The following YEATS4 variants were observed in gnomAD, a reference collection of about 807,000 sequenced individuals.
YEATS4 encodes YEATS domain-containing protein 4.
Under a neutral mutation model 30.1 loss-of-function variants are expected in YEATS4, and 17 were observed. The ratio of observed to expected loss-of-function variants is 0.56; its 90% confidence interval spans 0.39 to 0.85. YEATS4 has a LOEUF of 0.85. YEATS4 is among the 40% of genes least tolerant of loss of function. YEATS4 has a pLI of 0.00. For missense variants in YEATS4, 142 were observed against 268.3 expected, an observed-to-expected ratio of 0.53 and a Z score of 3.29; for synonymous variants, 85 against 87.5, an observed-to-expected ratio of 0.97 and a Z score of 0.16.
chr12:69,362,005 G>A, intron 1 of YEATS4, among the ~76,000 whole-genome samples: 1 of 87,016 alleles, frequency 1.1e-5, no homozygotes, highest in South Asian at 3.5e-4. Flanking sequence ...ATTGTAGGGT[G>A]TTTGGTTGTT....
At chr12:69,420,540 G>C in the YEATS4 span, among the ~76,000 whole-genome samples, 4 of 152,068 alleles carry the variant, frequency 2.6e-5, no homozygotes, top group East Asian at 7.7e-4. Flanking sequence ...GGAGAGACAG[G>C]GACAGAGAGA....
intron 2 of YEATS4, chr12:69,364,281 A>T (rs1875344131): frequency 2.9e-6 from 1 of 350,510 alleles, no homozygotes; most frequent in Admixed American, 3.7e-5. Context: ...GTAAGACTCC[A>T]TCTCTACAGA....
intron 6 of YEATS4, among the ~76,000 whole-genome samples, chr12:69,374,400 CT>C (rs368726221): frequency 1.4e-3 from 210 of 149,616 alleles, no homozygotes; most frequent in African/African-American, 4.8e-3. Flanking sequence ...AGATTACTTT[CT>C]TTTTTTTTAT....
chr12:69,423,889 A>G, the YEATS4 span, among the ~76,000 whole-genome samples: 1 of 152,196 alleles, frequency 6.6e-6, no homozygotes. Context: ...AGTTCTGGTC[A>G]ATGGGGTATA....
chr12:69,367,033 C>G (rs1875462204), intron 4 of YEATS4, among the ~76,000 whole-genome samples: 1 of 152,176 alleles, frequency 6.6e-6, no homozygotes, highest in Non-Finnish European at 1.5e-5. Flanking sequence ...TAGACTTACT[C>G]TTTTCTTCCT....
intron 6 of YEATS4, among the ~76,000 whole-genome samples, chr12:69,382,585 C>T (rs1876123363): frequency 6.6e-6 from 1 of 152,198 alleles, no homozygotes; most frequent in Non-Finnish European, 1.5e-5. Context: ...GGGACTTTCC[C>T]TTCAGGGCAG....
chr12:69,413,847 G>A, the YEATS4 span, among the ~76,000 whole-genome samples: 2 of 115,904 alleles, frequency 1.7e-5, no homozygotes, highest in East Asian at 6.6e-4. Flanking sequence ...GCAAGACTTC[G>A]TCAAAAAAAA....
chr12:69,363,644 A>G (rs1306091271), intron 2 of YEATS4, among the ~76,000 whole-genome samples: 2 of 152,332 alleles, frequency 1.3e-5, no homozygotes, highest in African/African-American at 2.4e-5. Context: ...TGAATCTTCA[A>G]TGCCTGGAAC....
chr12:69,359,872 G>A lies in YEATS4; in HGVS notation c.-101G>A. The A allele has an allele frequency of 6.8e-7, 1 of 1,474,826 alleles. No homozygotes were observed. The highest frequency in any genetic ancestry group is 9.3e-7 in the Non-Finnish European group (1 of 1,075,714). 91.4% of individuals were successfully genotyped at this position (1,474,826 alleles called of 1,614,324 possible). A position where few individuals can be genotyped will look rare whatever the true frequency, so the allele number is the denominator to read the frequency against. On this transcript the variant is annotated 5_prime_UTR_variant, in exon 1 of 7. Coordinates refer to ENST00000247843, the MANE Select transcript of YEATS4 (RefSeq NM_006530.4). The stretch of plus-strand genomic sequence containing the variant: ...GCCCTCCTTCGGCTAGAAACCCTCC[G>A]CCTGGGCCCGCGCGACAGGAGCGCG...
intron 4 of YEATS4, among the ~76,000 whole-genome samples, chr12:69,366,456 A>G (rs747889284): frequency 2.6e-5 from 4 of 152,172 alleles, no homozygotes; most frequent in Non-Finnish European, 5.9e-5. Flanking sequence ...CTCATTTTAG[A>G]GATCAGGATA....
At chr12:69,424,004 T>C in the YEATS4 span, among the ~76,000 whole-genome samples, 6 of 152,310 alleles carry the variant, frequency 3.9e-5, no homozygotes, top group South Asian at 1.2e-3. Context: ...TTTCTAGATA[T>C]TACTCTATGA....
At chr12:69,408,279 G>A in the YEATS4 span, among the ~76,000 whole-genome samples, 1 of 152,050 alleles carries the variant, frequency 6.6e-6, no homozygotes, top group Admixed American at 6.6e-5. Context: ...TCTAGTGCTA[G>A]TAACATCTTA....
chr12:69,424,100 A>G, the YEATS4 span, among the ~76,000 whole-genome samples: 4 of 152,332 alleles, frequency 2.6e-5, no homozygotes, highest in South Asian at 6.2e-4. Context: ...TGAAGAAAGC[A>G]GGACAGAATA....
chr12:69,403,015 G>T, the YEATS4 span, among the ~76,000 whole-genome samples: 1 of 151,842 alleles, frequency 6.6e-6, no homozygotes, highest in Non-Finnish European at 1.5e-5. Flanking sequence ...GAGCCACCAC[G>T]CCCGGCTTGC....
chr12:69,362,981 A>AATTTTTTTTTTTTTTTTTTTTTTTTTTTT lies in YEATS4; in HGVS notation c.171+74_171+75insATTTTTTTTTTTTTTTTTTTTTTTTTTTT, dbSNP rs1198849494. The AATTTTTTTTTTTTTTTTTTTTTTTTTTTT allele has an allele frequency of 3.3e-5, 10 of 307,590 alleles. 5 individuals carry two copies. The highest frequency in any genetic ancestry group is 1.7e-5 in the Non-Finnish European group (4 of 232,504). The allele number at this position is 307,590 out of a possible 1,614,324, so 19.1% of individuals were successfully genotyped here. The stretch of plus-strand genomic sequence containing the variant: ...TTTGTTTTGCTTAAAGACAACCTGT[A>AATTTTTTTTTTTTTTTTTTTTTTTTTTTT]GTTTTTTTTTTTTTTTTTTTTTTTT... On this transcript the variant is annotated intron_variant, in intron 2 of 6. Transcript: ENST00000247843.
At chr12:69,375,900 GA>G (rs1026843267) in intron 6 of YEATS4, among the ~76,000 whole-genome samples, 2 of 152,130 alleles carry the variant, frequency 1.3e-5, no homozygotes, top group African/African-American at 2.4e-5. Flanking sequence ...CGCAGAGAGG[GA>G]GGGGGAGGGG....
At position 69,390,514 on chromosome 12, in the gene YEATS4, T is replaced by C. The variant is rs1868305325; in HGVS notation, c.*198T>C. ...AAAATATGTGTGTAAGAATGGATGC[T>C]ATATAGGTATTTTACCAACCCATTT... On this transcript the variant is annotated 3_prime_UTR_variant, in exon 7 of 7. Transcript: ENST00000247843. The C allele has an allele frequency of 3.2e-5, 12 of 378,192 alleles. No homozygotes were observed. In the East Asian group the frequency reaches 5.5e-4, roughly 17 times the overall value. The allele number at this position is 378,192 out of a possible 1,614,324, so 23.4% of individuals were successfully genotyped here.
At chr12:69,389,182 G>A (rs946409033) in intron 6 of YEATS4, among the ~76,000 whole-genome samples, 1 of 152,108 alleles carries the variant, frequency 6.6e-6, no homozygotes, top group African/African-American at 2.4e-5. Flanking sequence ...GGGCCTGGTG[G>A]CTTATGCCTG....
chr12:69,371,079 G>C (rs891655305), intron 6 of YEATS4, 104 bp downstream of exon 6: 11 of 1,086,180 alleles, frequency 1.0e-5, no homozygotes, highest in Non-Finnish European at 1.3e-5. Context: ...AAATAGGTAA[G>C]TTTTTTAGGT....
Sources: gnomAD v4.1 joint callset for allele counts (sites outside exome capture counted in the v4.1 genomes callset) on GRCh38, gnomAD v4.1.1 for gene constraint, MANE v1.5 for transcripts, NCBI Gene and HGNC (gene_info 2026-07-23, HGNC 2026-07-21) for gene names.